The following CDH13 variants were observed in gnomAD, a reference collection of about 807,000 sequenced individuals.
CDH13 encodes cadherin 13.
A neutral mutation model predicts 63.8 loss-of-function variants in CDH13; 24 were observed. The ratio of observed to expected loss-of-function variants is 0.38; its 90% CI spans 0.27 to 0.53. The LOEUF is 0.53. Among genes scored for constraint, CDH13 ranks in the 20% least tolerant of loss-of-function variants. CDH13 has a pLI of 0.85. For missense variants in CDH13, 1,049 were observed against 903.1 expected, an observed-to-expected ratio of 1.16 and a Z score of -2.07; for synonymous variants, 503 against 355.3, an observed-to-expected ratio of 1.42 and a Z score of -4.67.
At position 83,634,749 on chromosome 16, in the gene CDH13, T is replaced by C. The variant is rs191528360; in HGVS notation, c.1101+32155T>C. 2.0e-5 allele frequency among the ~76,000 whole-genome samples: 3 copies of C among 152,286 alleles called. No individual in the cohort carries two copies. In the South Asian group the frequency reaches 6.2e-4, roughly 32 times the overall value. ...ATGATGCCCCTGAGATTCATCCAAG[T>C]ACTCACATCAGCCGATAGCTGGTTC... On this transcript the variant is annotated intron_variant, in intron 8 of 13. Transcript: ENST00000567109.
intron 11 of CDH13, among the ~76,000 whole-genome samples, chr16:83,752,975 G>A (rs1298122012): frequency 1.3e-5 from 2 of 152,052 alleles, no homozygotes; most frequent in Non-Finnish European, 2.9e-5. Flanking sequence ...TATCAGACAC[G>A]GAAATTTAAA....
At chr16:82,712,924 C>T (rs562656401) in intron 1 of CDH13, among the ~76,000 whole-genome samples, 3 of 152,216 alleles carry the variant, frequency 2.0e-5, no homozygotes, top group African/African-American at 7.2e-5. Flanking sequence ...CTTGTCCTAT[C>T]TCCTCTCCTA....
At chr16:82,779,248 T>C (rs12924657) in intron 1 of CDH13, among the ~76,000 whole-genome samples, 101,628 of 152,026 alleles carry the variant, frequency 0.67, 34,968 homozygotes, top group Middle Eastern at 0.8. Context: ...AACCGAGGTG[T>C]AGGGAAGTTG....
intron 1 of CDH13, among the ~76,000 whole-genome samples, chr16:82,818,505 A>G (rs998334860): frequency 6.6e-6 from 1 of 152,212 alleles, no homozygotes; most frequent in African/African-American, 2.4e-5. Flanking sequence ...TTACATGAGC[A>G]CATACAAGAG....
intron 8 of CDH13, among the ~76,000 whole-genome samples, chr16:83,608,550 G>C (rs1413404119): frequency 6.6e-6 from 1 of 151,968 alleles, no homozygotes; most frequent in Non-Finnish European, 1.5e-5. Flanking sequence ...CACAATCATA[G>C]TTTCGGCTCA....
intron 1 of CDH13, among the ~76,000 whole-genome samples, chr16:82,855,784 G>C (rs1361730028): frequency 6.6e-6 from 1 of 152,140 alleles, no homozygotes; most frequent in Non-Finnish European, 1.5e-5. Context: ...CAATTTCTCT[G>C]ATGTTGTTCA....
chr16:83,466,357 C>G (rs1227429559), intron 6 of CDH13, among the ~76,000 whole-genome samples: 1 of 152,102 alleles, frequency 6.6e-6, no homozygotes, highest in Non-Finnish European at 1.5e-5. Context: ...GCAAGAGAGT[C>G]TAGCGGCAAT....
At chr16:83,464,630 G>C (rs2073262888) in intron 6 of CDH13, among the ~76,000 whole-genome samples, 2 of 152,114 alleles carry the variant, frequency 1.3e-5, no homozygotes, top group African/African-American at 4.8e-5. Context: ...AACATGCTGG[G>C]ATTACAGACA....
intron 1 of CDH13, among the ~76,000 whole-genome samples, chr16:82,843,318 T>C (rs901978401): frequency 7.9e-5 from 12 of 152,344 alleles, no homozygotes; most frequent in South Asian, 2.1e-4. Flanking sequence ...ATACATCCAA[T>C]TGGCATTCAG....
chr16:83,053,313 A>C (rs72796209), intron 3 of CDH13, among the ~76,000 whole-genome samples: 1 of 152,274 alleles, frequency 6.6e-6, no homozygotes, highest in African/African-American at 2.4e-5. Context: ...GGGAGGTGTC[A>C]CTAGGACTCT....
At position 83,782,205 on chromosome 16, in the gene CDH13, C is replaced by G. The variant is rs952419652; in HGVS notation, c.1916-1049C>G. Among the ~76,000 whole-genome samples the G allele has an allele frequency of 5.3e-5, 8 of 152,072 alleles. No homozygotes were observed. In the East Asian group the frequency reaches 1.6e-3, roughly 30 times the overall value. ...CTGAATATTTAGCCCTGTTTATTCC[C>G]AGAAAGGGGCACTTAAAAATACATA... On this transcript the variant is annotated intron_variant, in intron 12 of 13. Coordinates refer to ENST00000567109, the MANE Select transcript of CDH13 (RefSeq NM_001257.5).
Position 83,619,171 on chromosome 16 carries a change from G to A in CDH13, c.1101+16577G>A, listed in dbSNP as rs181951294. On this transcript the variant is annotated intron_variant, in intron 8 of 13. Transcript: ENST00000567109. ...ATCCACCTGCTTGCCCATCAGACAT[G>A]TATGTGCGCTATGCCTCCTCTTTTC... Among the ~76,000 whole-genome samples, 360 of 152,300 alleles carry A rather than the reference G, an allele frequency of 2.4e-3. 1 individual carries two copies. The highest frequency in any genetic ancestry group is 8.2e-3 in the African/African-American group (341 of 41,572).
intron 10 of CDH13, among the ~76,000 whole-genome samples, chr16:83,693,357 C>T (rs555399451): frequency 3.9e-5 from 6 of 152,296 alleles, no homozygotes; most frequent in East Asian, 1.9e-4. Flanking sequence ...TTAACTGATT[C>T]GCATTTTTAG....
At chr16:82,792,708 A>G (rs1183129027) in intron 1 of CDH13, among the ~76,000 whole-genome samples, 1 of 152,186 alleles carries the variant, frequency 6.6e-6, no homozygotes, top group Non-Finnish European at 1.5e-5. Context: ...GAAGGCCTTT[A>G]TTTATTTCTT....
chr16:83,269,601 A>G (rs1034797965), intron 5 of CDH13, among the ~76,000 whole-genome samples: 15 of 152,186 alleles, frequency 9.9e-5, no homozygotes, highest in African/African-American at 3.6e-4. Flanking sequence ...CTCCACCCCA[A>G]AAGAATGAGG....
chr16:83,167,200 TA>T (rs144069013), intron 4 of CDH13, among the ~76,000 whole-genome samples: 24,136 of 139,478 alleles, frequency 0.17, 1,951 homozygotes, highest in South Asian at 0.2. Context: ...AATGTAGTAT[TA>T]AAAAAAAAAA....
At chr16:83,287,651 C>G (rs569786439) in intron 5 of CDH13, among the ~76,000 whole-genome samples, 24 of 152,206 alleles carry the variant, frequency 1.6e-4, no homozygotes, top group African/African-American at 5.1e-4. Context: ...CTCACTGATT[C>G]TACATTATGA....
intron 6 of CDH13, among the ~76,000 whole-genome samples, chr16:83,371,561 A>G (rs78303798): frequency 0.012 from 1,900 of 152,316 alleles, 41 homozygotes; most frequent in African/African-American, 0.043. Flanking sequence ...ATAGCTATTT[A>G]TTTTGATGTA....
chr16:82,863,258 G>A (rs1308728387), intron 2 of CDH13, among the ~76,000 whole-genome samples: 1 of 152,174 alleles, frequency 6.6e-6, no homozygotes, highest in African/African-American at 2.4e-5. Flanking sequence ...GCAAGGTCGT[G>A]CACCTGCGAC....
Sources: gnomAD v4.1 joint callset for allele counts (sites outside exome capture counted in the v4.1 genomes callset) on GRCh38, gnomAD v4.1.1 for gene constraint, MANE v1.5 for transcripts, NCBI Gene and HGNC (gene_info 2026-07-23, HGNC 2026-07-21) for gene names.